Variants in NKAIN3 observed in about 807,000 individuals in gnomAD.
The protein encoded by NKAIN3 is sodium/potassium transporting ATPase interacting 3.
Under a neutral mutation model 30.2 loss-of-function variants are expected in NKAIN3, and 25 were observed. The ratio of observed to expected loss-of-function variants is 0.83; its 90% confidence interval spans 0.60 to 1.16. The LOEUF is 1.16. Among genes scored for constraint, NKAIN3 ranks in the 50% most tolerant of loss-of-function variants. The pLI is 0.00. For missense variants in NKAIN3, 225 were observed against 254.1 expected (o/e 0.89, Z 0.78); for synonymous variants, 91 against 89.6 (o/e 1.02, Z -0.09).
chr8:62,345,506 C>CAT (rs1563942796), intron 1 of NKAIN3, among the ~76,000 whole-genome samples: 2 of 13,916 alleles, frequency 1.4e-4, no homozygotes, highest in African/African-American at 4.4e-4. Flanking sequence ...CATATATACA[C>CAT]ATATATACAC....
At chr8:62,955,469 TAA>T (rs2130898750) in intron 6 of NKAIN3, among the ~76,000 whole-genome samples, 1 of 152,058 alleles carries the variant, frequency 6.6e-6, no homozygotes, top group East Asian at 1.9e-4. Context: ...AGTGGTGACT[TAA>T]AGAGTCTTCA....
chr8:62,708,411 T>C (rs1039029526), intron 3 of NKAIN3, among the ~76,000 whole-genome samples: 2 of 152,136 alleles, frequency 1.3e-5, no homozygotes, highest in East Asian at 3.8e-4. Flanking sequence ...CAGCAGTGTT[T>C]TGTAATTTTC....
Position 62,966,641 on chromosome 8 carries a change from AT to A in NKAIN3, c.*1237del, listed in dbSNP as rs1360815695. Among the ~76,000 whole-genome samples the A allele has an allele frequency of 6.6e-6, 1 of 152,190 alleles. No individual in the cohort carries two copies. The highest frequency in any genetic ancestry group is 6.5e-5 in the Admixed American group (1 of 15,282). Reference sequence around the variant, plus strand: ...GTGCTAATTTTCATCATCACTGATAATTTGGTCTGTTCTCAATATAAAATAT... The same window carrying A: ...GTGCTAATTTTCATCATCACTGATAATTGGTCTGTTCTCAATATAAAATAT... On this transcript the variant is annotated 3_prime_UTR_variant, in exon 7 of 7. Transcript: ENST00000623646.
chr8:62,995,035 ATAGAG>A (rs1337003121), intron 5 of NKAIN3, among the ~76,000 whole-genome samples: 7 of 152,212 alleles, frequency 4.6e-5, no homozygotes, highest in African/African-American at 1.4e-4. Context: ...CAGAATAATA[ATAGAG>A]TAAACAGCAT....
At chr8:62,873,655 AAATTAGAACT>A (rs1820711918) in intron 4 of NKAIN3, among the ~76,000 whole-genome samples, 1 of 151,900 alleles carries the variant, frequency 6.6e-6, no homozygotes, top group East Asian at 1.9e-4. Context: ...CAGTATAATC[AAATTAGAACT>A]CAGGAATAAG....
At chr8:62,520,433 C>T (rs1037025680) in intron 1 of NKAIN3, among the ~76,000 whole-genome samples, 1 of 151,910 alleles carries the variant, frequency 6.6e-6, no homozygotes, top group African/African-American at 2.4e-5. Context: ...TTATCACTTC[C>T]ATAGGTAATC....
intron 3 of NKAIN3, among the ~76,000 whole-genome samples, chr8:62,671,179 C>T (rs983106069): frequency 6.6e-6 from 1 of 152,062 alleles, no homozygotes; most frequent in Admixed American, 6.6e-5. Context: ...AGGATGAGAC[C>T]AGATGAGAAC....
chr8:62,378,429 G>A (rs2129593796), intron 1 of NKAIN3, among the ~76,000 whole-genome samples: 1 of 152,312 alleles, frequency 6.6e-6, no homozygotes, highest in East Asian at 1.9e-4. Context: ...CTAATACCAA[G>A]ACTAGGGGAA....
At chr8:62,264,478 G>C (rs983768305) in intron 1 of NKAIN3, among the ~76,000 whole-genome samples, 1 of 152,176 alleles carries the variant, frequency 6.6e-6, no homozygotes, top group East Asian at 1.9e-4. Flanking sequence ...TGGCTGACTA[G>C]AGAAACTTGG....
intron 1 of NKAIN3, among the ~76,000 whole-genome samples, chr8:62,567,993 G>C (rs1055367433): frequency 9.2e-5 from 14 of 152,224 alleles, no homozygotes; most frequent in Admixed American, 8.5e-4. Context: ...ACTGTTACCT[G>C]CTTTTGATAA....
In NKAIN3 at chr8:62,553,274, GC is replaced by G. The variant is rs546026253; in HGVS notation, c.55-26262del. On this transcript the variant is annotated intron_variant, in intron 1 of 6. Transcript: ENST00000623646. ...ATCTATTATGATTTAAAGCAAGATT[GC>G]CCACTAAATATTTGCATTACAAATT... Among the ~76,000 whole-genome samples the G allele has an allele frequency of 9.9e-5, 15 of 152,064 alleles. No homozygotes were observed. The South Asian group carries it at 2.5e-3, about 25-fold the overall frequency.
chr8:62,934,352 T>C (rs996195061), intron 5 of NKAIN3, among the ~76,000 whole-genome samples: 1 of 147,634 alleles, frequency 6.8e-6, no homozygotes, highest in African/African-American at 2.5e-5. Context: ...CAGTCCAGCC[T>C]GGACAACAAA....
At chr8:62,402,881 A>G (rs535998380) in intron 1 of NKAIN3, among the ~76,000 whole-genome samples, 1 of 152,312 alleles carries the variant, frequency 6.6e-6, no homozygotes, top group African/African-American at 2.4e-5. Context: ...AGGTTGGAAC[A>G]GTTTGGAGGG....
Position 62,959,188 on chromosome 8 carries a change from T to C in NKAIN3, c.603+5216T>C, listed in dbSNP as rs1823499631. ...AAGACAGCCAAGGCCAATCCCTATT[T>C]CAGGGTAGCCCTGCAGCGAGCTCTG... On this transcript the variant is annotated intron_variant, in intron 6 of 6. Transcript: ENST00000623646. Among the ~76,000 whole-genome samples the C allele has an allele frequency of 2.0e-5, 3 of 152,164 alleles. No individual in the cohort carries two copies. In the South Asian group the frequency reaches 6.2e-4, roughly 31 times the overall value.
chr8:62,613,205 C>T (rs187945743), intron 3 of NKAIN3, among the ~76,000 whole-genome samples: 1 of 152,170 alleles, frequency 6.6e-6, no homozygotes, highest in East Asian at 1.9e-4. Context: ...TAGGACAGGC[C>T]TGGTATTTAT....
chr8:62,328,252 G>A (rs1395720754), intron 1 of NKAIN3, among the ~76,000 whole-genome samples: 2 of 152,076 alleles, frequency 1.3e-5, no homozygotes, highest in Non-Finnish European at 2.9e-5. Flanking sequence ...ACACAGCTCA[G>A]TATTATCTTC....
At chr8:62,775,632 A>T (rs559767851) in intron 4 of NKAIN3, among the ~76,000 whole-genome samples, 19 of 151,920 alleles carry the variant, frequency 1.3e-4, no homozygotes, top group East Asian at 3.9e-4. Flanking sequence ...AAGAATTTAA[A>T]TTTTTTTTAA....
chr8:62,607,515 T>C (rs1217531810), intron 3 of NKAIN3, among the ~76,000 whole-genome samples: 1 of 152,178 alleles, frequency 6.6e-6, no homozygotes, highest in East Asian at 1.9e-4. Context: ...ATGTTGTCTA[T>C]ATATTTCTTC....
intron 6 of NKAIN3, among the ~76,000 whole-genome samples, chr8:62,962,640 C>T (rs1823600615): frequency 6.6e-6 from 1 of 152,152 alleles, no homozygotes; most frequent in Admixed American, 6.5e-5. Flanking sequence ...CATTCCCTAC[C>T]AAACTGTGAC....
Sources: allele counts gnomAD v4.1 joint callset (sites outside exome capture counted in the v4.1 genomes callset), GRCh38; gene constraint gnomAD v4.1.1; transcripts MANE v1.5; gene names NCBI Gene and HGNC (gene_info 2026-07-23, HGNC 2026-07-21).